Variants in KLHL29 observed in about 807,000 individuals in gnomAD.
The protein encoded by KLHL29 is kelch-like protein 29.
Under a neutral mutation model 80.4 loss-of-function variants are expected in KLHL29, and 21 were observed. That is an observed-to-expected ratio of 0.26 (90% CI 0.19 to 0.38). KLHL29 has a LOEUF of 0.38. Among genes scored for constraint, KLHL29 ranks in the 10% least tolerant of loss-of-function variants. KLHL29 has a pLI of 1.00. For missense variants in KLHL29, 867 were observed against 1,223.9 expected, an observed-to-expected ratio of 0.71 and a Z score of 4.35; for synonymous variants, 511 against 526.8, an observed-to-expected ratio of 0.97 and a Z score of 0.41.
chr2:23,606,120 G>A (rs1227465193), intron 3 of KLHL29, among the ~76,000 whole-genome samples: 1 of 151,778 alleles, frequency 6.6e-6, no homozygotes, highest in Non-Finnish European at 1.5e-5. Context: ...TTTCAGGTGG[G>A]GGGATCATTC....
intron 2 of KLHL29, among the ~76,000 whole-genome samples, chr2:23,482,687 A>G (rs972254479): frequency 6.6e-6 from 1 of 152,132 alleles, no homozygotes; most frequent in Non-Finnish European, 1.5e-5. Context: ...TTTGTTTTCT[A>G]ATCATAAATT....
intron 1 of KLHL29, among the ~76,000 whole-genome samples, chr2:23,427,283 A>G (rs1663030089): frequency 6.6e-6 from 1 of 152,246 alleles, no homozygotes; most frequent in East Asian, 1.9e-4. Context: ...GGTGAACTTA[A>G]CAATACGGTG....
At chr2:23,387,545 T>TG (rs1558319653) in intron 1 of KLHL29, among the ~76,000 whole-genome samples, 2 of 139,512 alleles carry the variant, frequency 1.4e-5, no homozygotes, top group East Asian at 4.1e-4. Flanking sequence ...TTATTATTAT[T>TG]ATGGAAAGAA....
At chr2:23,626,035 A>G (rs543057793) in intron 3 of KLHL29, among the ~76,000 whole-genome samples, 15 of 151,990 alleles carry the variant, frequency 9.9e-5, no homozygotes, top group African/African-American at 3.4e-4. Flanking sequence ...GTGGTCCCCA[A>G]CGTTTTTGGC....
At chr2:23,702,738 T>C (rs1168458878) in intron 11 of KLHL29, among the ~76,000 whole-genome samples, 1 of 152,188 alleles carries the variant, frequency 6.6e-6, no homozygotes, top group East Asian at 1.9e-4. Flanking sequence ...GTGTGTTTTA[T>C]TTGGCTGCCT....
At chr2:23,465,224 G>A (rs1213551664) in intron 1 of KLHL29, among the ~76,000 whole-genome samples, 1 of 152,236 alleles carries the variant, frequency 6.6e-6, no homozygotes, top group Admixed American at 6.5e-5. Flanking sequence ...CACCAGGAAG[G>A]TGCTGAAGCT....
At chr2:23,525,773 G>A (rs933470651) in intron 2 of KLHL29, among the ~76,000 whole-genome samples, 2 of 121,770 alleles carry the variant, frequency 1.6e-5, no homozygotes, top group Admixed American at 2.2e-4. Context: ...GGGCCCACCC[G>A]CTATTTTTAG....
chr2:23,692,797 T>G (rs938194936), intron 7 of KLHL29, among the ~76,000 whole-genome samples: 1 of 151,194 alleles, frequency 6.6e-6, no homozygotes, highest in Non-Finnish European at 1.5e-5. Flanking sequence ...GCGAGCCAGA[T>G]TGAGTGGGGC....
chr2:23,551,576 C>T (rs1667130906), intron 2 of KLHL29, among the ~76,000 whole-genome samples: 2 of 152,176 alleles, frequency 1.3e-5, no homozygotes, highest in Admixed American at 6.5e-5. Flanking sequence ...GCATTTTGAA[C>T]ATTTGTCTTT....
chr2:23,451,667 A>G (rs1442192296), intron 1 of KLHL29, among the ~76,000 whole-genome samples: 1 of 152,090 alleles, frequency 6.6e-6, no homozygotes. Flanking sequence ...CAGGTGGGAG[A>G]CGGAGGGATT....
At chr2:23,464,319 T>C (rs1664292386) in intron 1 of KLHL29, among the ~76,000 whole-genome samples, 1 of 152,146 alleles carries the variant, frequency 6.6e-6, no homozygotes, top group Non-Finnish European at 1.5e-5. Context: ...TGCTGACCAC[T>C]TGGGACAGAC....
chr2:23,525,235 G>T (rs777162844), intron 2 of KLHL29, among the ~76,000 whole-genome samples: 65 of 152,220 alleles, frequency 4.3e-4, no homozygotes, highest in Non-Finnish European at 1.5e-4. Flanking sequence ...CCAGGCCCAC[G>T]CCTGGAAGAG....
chr2:23,590,404 G>T (rs146106748), intron 3 of KLHL29, among the ~76,000 whole-genome samples: 1 of 152,134 alleles, frequency 6.6e-6, no homozygotes, highest in African/African-American at 2.4e-5. Context: ...TCCATTTCAC[G>T]CTCCACCTCC....
chr2:23,565,870 T>C (rs971999845), intron 3 of KLHL29, among the ~76,000 whole-genome samples: 2 of 152,238 alleles, frequency 1.3e-5, no homozygotes, highest in Non-Finnish European at 2.9e-5. Context: ...GTGTCAGTAC[T>C]GTGAGGCCTT....
chr2:23,672,885 GAGAA>G (rs1468392707), intron 5 of KLHL29: 1 of 152,308 alleles, frequency 6.6e-6, no homozygotes, highest in Non-Finnish European at 1.5e-5. Flanking sequence ...ATGATGGTGT[GAGAA>G]AGAAAGCCCC....
At chr2:23,704,386 C>T (rs991288693) in intron 13 of KLHL29, among the ~76,000 whole-genome samples, 9 of 152,348 alleles carry the variant, frequency 5.9e-5, no homozygotes, top group African/African-American at 2.2e-4. Context: ...GCTCGGTCCC[C>T]AGGCTTTCTG....
chr2:23,441,579 G>T (rs1663525571), intron 1 of KLHL29, among the ~76,000 whole-genome samples: 1 of 152,134 alleles, frequency 6.6e-6, no homozygotes, highest in African/African-American at 2.4e-5. Context: ...CTGCAGTTTG[G>T]GCAGGGCTCA....
intron 3 of KLHL29, among the ~76,000 whole-genome samples, chr2:23,638,381 G>A (rs1669674995): frequency 6.6e-6 from 1 of 151,796 alleles, no homozygotes; most frequent in Non-Finnish European, 1.5e-5. Flanking sequence ...GACAAATACT[G>A]TCCTGGTGTT....
At chr2:23,423,476 C>A (rs977608941) in intron 1 of KLHL29, among the ~76,000 whole-genome samples, 1 of 152,256 alleles carries the variant, frequency 6.6e-6, no homozygotes, top group African/African-American at 2.4e-5. Context: ...TAAGCAGTGT[C>A]ACAGTCCGTG....
Sources: allele counts gnomAD v4.1 joint callset (sites outside exome capture counted in the v4.1 genomes callset), GRCh38; gene constraint gnomAD v4.1.1; transcripts MANE v1.5; gene names NCBI Gene and HGNC (gene_info 2026-07-23, HGNC 2026-07-21).